IL1RAPL1: variants seen among roughly 807,000 people sequenced by gnomAD.
The protein encoded by IL1RAPL1 is interleukin 1 receptor accessory protein like 1.
IL1RAPL1 carries 3 observed loss-of-function variants against 48.4 expected under a neutral mutation model. The observed-to-expected ratio is 0.06, with a 90% CI of 0.03 to 0.16. The LOEUF (loss-of-function observed/expected upper bound fraction) is 0.16. Ranked by LOEUF, IL1RAPL1 falls within the 10% of genes least tolerant of loss-of-function variation. The pLI, the probability that IL1RAPL1 is intolerant of heterozygous loss-of-function variation, is 1.00. For synonymous variants in IL1RAPL1, 185 were observed against 187.7 expected (o/e 0.99, Z 0.12); for missense variants, 349 against 530.6 (o/e 0.66, Z 3.36).
chrX:29,370,544 AAGG>A (rs1475361114), intron 3 of IL1RAPL1, among the ~76,000 whole-genome samples: 4 of 109,853 alleles, frequency 3.6e-5, no homozygotes, highest in Non-Finnish European at 5.7e-5. Context: ...CTGTTCCTAA[AAGG>A]AGATGTTTAC....
At chrX:29,329,434 G>A (rs1014135201) in intron 3 of IL1RAPL1, among the ~76,000 whole-genome samples, 9 of 111,580 alleles carry the variant, frequency 8.1e-5, no homozygotes, top group Non-Finnish European at 1.7e-4. Flanking sequence ...GTCAAAAGTG[G>A]AAACAACCCA....
intron 2 of IL1RAPL1, among the ~76,000 whole-genome samples, chrX:29,217,769 TCTCTCTCTCACACACACACACACACA>T (rs1239265244): frequency 1.9e-3 from 133 of 71,123 alleles, no homozygotes; most frequent in African/African-American, 6.2e-3. Context: ...TCTCTCTCTC[TCTCTCTCTCACACACACACACACACA>T]CACACACACA....
intron 5 of IL1RAPL1, among the ~76,000 whole-genome samples, chrX:29,625,201 T>C (rs1391335495): frequency 2.7e-5 from 3 of 112,243 alleles, no homozygotes; most frequent in Non-Finnish European, 5.6e-5. Flanking sequence ...TTAAGAATCA[T>C]ATAATTTTAA....
At chrX:29,252,348 A>G (rs1476081810) in intron 2 of IL1RAPL1, among the ~76,000 whole-genome samples, 1 of 113,910 alleles carries the variant, frequency 8.8e-6, no homozygotes, top group Non-Finnish European at 1.9e-5. Flanking sequence ...AGAGAAAGCT[A>G]ATATGTTTCT....
chrX:28,621,371 A>C (rs1371055106), intron 1 of IL1RAPL1, among the ~76,000 whole-genome samples: 6 of 111,381 alleles, frequency 5.4e-5, no homozygotes, highest in Non-Finnish European at 7.5e-5. Context: ...TGAAAATTTC[A>C]GTCGCTCTTT....
chrX:29,813,746 G>A (rs140467580), intron 6 of IL1RAPL1, among the ~76,000 whole-genome samples: 1,307 of 110,189 alleles, frequency 0.012, 14 homozygotes, highest in African/African-American at 0.041. Flanking sequence ...CCCTTCCCCC[G>A]CCCTGCATCT....
chrX:29,659,283 A>G (rs910887859), intron 5 of IL1RAPL1, among the ~76,000 whole-genome samples: 35 of 112,163 alleles, frequency 3.1e-4, no homozygotes, highest in African/African-American at 1.1e-3. Flanking sequence ...TTGCTCTCAC[A>G]TATGAGTGAG....
chrX:28,693,470 A>T (rs1935200429), intron 1 of IL1RAPL1, among the ~76,000 whole-genome samples: 2 of 112,069 alleles, frequency 1.8e-5, no homozygotes, highest in Non-Finnish European at 3.8e-5. Flanking sequence ...TGTCCATCCA[A>T]ATTGCCAGGG....
Position 29,872,017 on chromosome X carries a change from G to A in IL1RAPL1, c.779-45447G>A, listed in dbSNP as rs766617233. ...ATTACAAATGTGAGCCACTGTGCCC[G>A]GCCCAATCTAGACCTTTTTCTAAGT... On this transcript the variant is annotated intron_variant, in intron 6 of 10. Transcript: ENST00000378993. Among the ~76,000 whole-genome samples the A allele has an allele frequency of 9.0e-5, 10 of 111,554 alleles. No individual in the cohort carries two copies. In the East Asian group the frequency reaches 2.3e-3, roughly 25 times the overall value.
intron 3 of IL1RAPL1, among the ~76,000 whole-genome samples, chrX:29,299,614 A>G: frequency 8.9e-6 from 1 of 112,101 alleles, no homozygotes. Flanking sequence ...AGATTAAAAA[A>G]GGTCACCAAG....
At chrX:29,412,556 A>T (rs933797312) in intron 5 of IL1RAPL1, among the ~76,000 whole-genome samples, 3 of 112,598 alleles carry the variant, frequency 2.7e-5, no homozygotes, top group Non-Finnish European at 3.7e-5. Context: ...GTTAAATAAG[A>T]TATACTACAA....
At chrX:29,359,325 T>G (rs1197905701) in intron 3 of IL1RAPL1, among the ~76,000 whole-genome samples, 2 of 111,400 alleles carry the variant, frequency 1.8e-5, no homozygotes, top group Non-Finnish European at 3.8e-5. Flanking sequence ...CCAACCACCA[T>G]CACCCTTCCC....
intron 3 of IL1RAPL1, among the ~76,000 whole-genome samples, chrX:29,340,649 C>T (rs1018445713): frequency 1.8e-5 from 2 of 112,050 alleles, no homozygotes; most frequent in African/African-American, 6.5e-5. Context: ...GATAAGGCCT[C>T]TAGGCAATTT....
chrX:28,993,349 G>A (rs967841863), intron 2 of IL1RAPL1, among the ~76,000 whole-genome samples: 2 of 111,770 alleles, frequency 1.8e-5, no homozygotes, highest in South Asian at 3.7e-4. Context: ...TAATGCAAGC[G>A]CAATGACCGG....
chrX:28,798,215 T>A (rs73630090), intron 2 of IL1RAPL1, among the ~76,000 whole-genome samples: 2,502 of 111,327 alleles, frequency 0.022, 57 homozygotes, highest in African/African-American at 0.077. Context: ...CATACAGGCA[T>A]TCACTGCTAG....
chrX:29,836,436 G>A (rs970645382), intron 6 of IL1RAPL1, among the ~76,000 whole-genome samples: 8 of 111,233 alleles, frequency 7.2e-5, no homozygotes, highest in Non-Finnish European at 1.3e-4. Flanking sequence ...TCATCCGCCC[G>A]CCTTGGCCTC....
At chrX:28,657,030 A>T (rs1271351525) in intron 1 of IL1RAPL1, among the ~76,000 whole-genome samples, 1 of 108,346 alleles carries the variant, frequency 9.2e-6, no homozygotes, top group Non-Finnish European at 1.9e-5. Context: ...CTACCTCAAA[A>T]AAAAAAAAAA....
In IL1RAPL1 at chrX:28,663,126, G is replaced by A. The variant is rs1934839675; in HGVS notation, c.-25+75079G>A. Among the ~76,000 whole-genome samples, 4 of 112,008 alleles carry A rather than the reference G, an allele frequency of 3.6e-5. No individual in the cohort carries two copies. In the South Asian group the frequency reaches 1.5e-3, roughly 42 times the overall value. ...AAGAAAGCAAATTCCAATTGAAAGGGACCAAGCAGAGATGCTCATCCATGA... is the reference window on the plus strand; with the variant it reads ...AAGAAAGCAAATTCCAATTGAAAGGAACCAAGCAGAGATGCTCATCCATGA... On this transcript the variant is annotated intron_variant, in intron 1 of 10. Transcript: ENST00000378993.
chrX:28,693,662 T>C (rs748583831), intron 1 of IL1RAPL1, among the ~76,000 whole-genome samples: 25 of 112,198 alleles, frequency 2.2e-4, no homozygotes, highest in African/African-American at 8.1e-4. Context: ...TTCTACTGAA[T>C]TGAGTTCAAG....
Sources: allele counts gnomAD v4.1 joint callset (sites outside exome capture counted in the v4.1 genomes callset), GRCh38; gene constraint gnomAD v4.1.1; transcripts MANE v1.5; gene names NCBI Gene and HGNC (gene_info 2026-07-23, HGNC 2026-07-21).